Variants in MOV10 observed in about 807,000 individuals in gnomAD.
MOV10 encodes the protein RNA helicase MOV-10.
In MOV10, 39 loss-of-function variants were observed where a neutral mutation model predicts 108.4. The observed-to-expected ratio is 0.36, with a 90% confidence interval of 0.28 to 0.47. The LOEUF is 0.47. Among genes scored for constraint, MOV10 ranks in the 20% least tolerant of loss-of-function variants. The probability of loss-of-function intolerance (pLI) is 1.00; values close to 1 mark genes in which losing one functional copy is unlikely to be tolerated. For synonymous variants in MOV10, 490 were observed against 523.1 expected (o/e 0.94, Z 0.86); for missense variants, 952 against 1,297.6 (o/e 0.73, Z 4.09).
intron 2 of MOV10, among the ~76,000 whole-genome samples, chr1:112,677,556 G>A (rs149747863): frequency 2.6e-5 from 4 of 152,108 alleles, no homozygotes; most frequent in Non-Finnish European, 4.4e-5. Flanking sequence ...TTTATGGCAC[G>A]TGGTCATCTC....
chr1:112,680,698 C>T (rs1395129692), intron 2 of MOV10, among the ~76,000 whole-genome samples: 3 of 127,602 alleles, frequency 2.4e-5, no homozygotes, highest in Non-Finnish European at 5.0e-5. Context: ...ATCACCTTTT[C>T]ATTTATCTCT....
rs1260996389 is a variant in MOV10 at position 112,689,653 on chromosome 1, G to A, written c.577+3G>A. 4 of 1,613,404 alleles carry A rather than the reference G, an allele frequency of 2.5e-6. No homozygotes were observed. The highest frequency in any genetic ancestry group is 2.7e-5 in the African/African-American group (2 of 74,916). ...GTTGCCCTGTCCACTGGGCCCCGGT[G>A]AGTGAGTTTCCAAAGGAAAGAGCTG... On this transcript the variant is annotated splice_donor_region_variant and intron_variant, in intron 4 of 20. Coordinates refer to ENST00000369645, the MANE Select transcript of MOV10 (RefSeq NM_001321324.2).
chr1:112,689,695 C>A, intron 4 of MOV10, 45 bp downstream of exon 4: 1 of 1,601,436 alleles, frequency 6.2e-7, no homozygotes, highest in South Asian at 1.1e-5. Flanking sequence ...AGGGGCTTGT[C>A]CCAGGCAGTG....
At position 112,692,846 on chromosome 1, in the gene MOV10, C is replaced by G. The variant is rs1261096027; in HGVS notation, c.1057C>G (p.His353Asp). The change falls in exon 7 of 21, where the codon CAT (histidine) becomes GAT (aspartate). Residue 353 changes from histidine to aspartate, a missense_variant. Around this residue, in one of 5 missense-constraint regions of MOV10, gnomAD observed 374 missense variants for 468.6 expected, o/e 0.80. Transcript: ENST00000369645. Reference protein sequence around the residue: ...LLHLEELQMEHDIRHYDLESV... With the variant: ...LLHLEELQMEDDIRHYDLESV... Reference sequence around the variant, plus strand: ...GCACCTGGAGGAACTGCAGATGGAGCATGATATCCGGCACTATGACCTGGA... The same window carrying G: ...GCACCTGGAGGAACTGCAGATGGAGGATGATATCCGGCACTATGACCTGGA... The G allele has an allele frequency of 1.2e-6, 2 of 1,614,082 alleles. No individual in the cohort carries two copies. The highest frequency in any genetic ancestry group is 1.7e-6 in the Non-Finnish European group (2 of 1,180,022).
chr1:112,676,308 T>C (rs1308379422), intron 2 of MOV10, among the ~76,000 whole-genome samples: 2 of 152,180 alleles, frequency 1.3e-5, no homozygotes, highest in African/African-American at 4.8e-5. Flanking sequence ...CTAGGGATGG[T>C]AAGAGAAAAA....
chr1:112,699,771 G>A lies in MOV10; in HGVS notation c.2670G>A (p.Leu890=). ...TVRSSQSFVQ[L]DLDFNLGFLK... is the part of the protein sequence containing the mutation. Reference sequence around the variant, plus strand: ...GAAGCAGCCAGAGCTTTGTGCAGCTGGATCTGGACTTTAATCTGGGTTTCC... The same window carrying A: ...GAAGCAGCCAGAGCTTTGTGCAGCTAGATCTGGACTTTAATCTGGGTTTCC... The change falls in exon 18 of 21, where the codon CTG becomes CTA. Residue 890 remains leucine (L), a synonymous_variant. Coordinates refer to ENST00000369645, the MANE Select transcript of MOV10 (RefSeq NM_001321324.2). 1 of 1,614,238 alleles carries A rather than the reference G, an allele frequency of 6.2e-7. No individual in the cohort carries two copies. Among genetic ancestry groups the A allele is most frequent in the East Asian group, 2.2e-5 (1 of 44,884 alleles).
chr1:112,698,611 C>T, intron 16 of MOV10, 104 bp from the exon 17 acceptor site: 2 of 1,444,118 alleles, frequency 1.4e-6, no homozygotes, highest in Non-Finnish European at 9.7e-7. Context: ...GCACCAAGGT[C>T]AGCTGCCGCC....
intron 7 of MOV10, chr1:112,693,572 C>A (rs552775376): frequency 6.4e-6 from 1 of 156,150 alleles, no homozygotes; most frequent in Admixed American, 6.2e-5. Flanking sequence ...CCACATTGGC[C>A]AGGCTGGTCT....
intron 1 of MOV10, 41 bp from the exon 2 acceptor site, chr1:112,674,807 C>G (rs902288): frequency 2.5e-6 from 3 of 1,187,276 alleles, no homozygotes; most frequent in Non-Finnish European, 3.5e-6. Context: ...TAGGGGGCTT[C>G]CCTCCTGCTG....
chr1:112,698,809 T>TTCCTCAAGCTTC lies in MOV10; in HGVS notation c.2583+20_2583+21insTCCTCAAGCTTC. ...TTGAAGGTGACATGCTGTTCCACAG[T>TTCCTCAAGCTTC]CACTCCCTGCCTTCCGTGTGCCCCC... On this transcript the variant is annotated intron_variant, in intron 17 of 20. Coordinates refer to ENST00000369645, the MANE Select transcript of MOV10 (RefSeq NM_001321324.2). The TTCCTCAAGCTTC allele has an allele frequency of 6.2e-7, 1 of 1,606,202 alleles. No individual in the cohort carries two copies. The highest frequency in any genetic ancestry group is 8.5e-7 in the Non-Finnish European group (1 of 1,172,768).
chr1:112,688,772 C>T (rs1673293178), intron 2 of MOV10, 163 bp from the exon 3 acceptor site: 19 of 1,453,348 alleles, frequency 1.3e-5, no homozygotes, highest in Non-Finnish European at 1.4e-5. Flanking sequence ...AACATTCCTC[C>T]GATCCCCAGC....
chr1:112,694,190 C>T lies in MOV10; in HGVS notation c.1295+18C>T. Reference sequence around the variant, plus strand: ...TCCATGAGGTGGGTGTTGGGGGAACCCTGAGCTGCTGGAAGGGTCTACAGA... The same window carrying T: ...TCCATGAGGTGGGTGTTGGGGGAACTCTGAGCTGCTGGAAGGGTCTACAGA... On this transcript the variant is annotated intron_variant, in intron 8 of 20. Coordinates refer to ENST00000369645, the MANE Select transcript of MOV10 (RefSeq NM_001321324.2). The surrounding 1 kb of genome is among the most constrained non-coding windows in gnomAD (Gnocchi z 4.1). The T allele has an allele frequency of 6.2e-7, 1 of 1,614,002 alleles. No individual in the cohort carries two copies. The highest frequency in any genetic ancestry group is 8.5e-7 in the Non-Finnish European group (1 of 1,179,952).
chr1:112,680,672 A>T lies in MOV10; in HGVS notation c.137+5623A>T, dbSNP rs568195975. On this transcript the variant is annotated intron_variant, in intron 2 of 20. Transcript: ENST00000369645. The stretch of plus-strand genomic sequence containing the variant: ...CTCCGTCTCAAAAAAAAAAAAAAAA[A>T]AAAAAACTTTTGGTGATCACCTTTT... 1.7e-3 allele frequency among the ~76,000 whole-genome samples: 252 copies of T among 149,766 alleles called. 5 individuals are homozygous for T. Among genetic ancestry groups the T allele is most frequent in the African/African-American group, 5.7e-3 (232 of 40,874 alleles).
chr1:112,677,051 T>C (rs1672249533), intron 2 of MOV10, among the ~76,000 whole-genome samples: 2 of 152,170 alleles, frequency 1.3e-5, no homozygotes. Flanking sequence ...CTTGTGTTTA[T>C]GCAGATAAGA....
At chr1:112,685,653 C>CCATAAAATAAAATAAAATAAAATAA (rs1673014864) in intron 2 of MOV10, among the ~76,000 whole-genome samples, 3 of 139,208 alleles carry the variant, frequency 2.2e-5, no homozygotes, top group African/African-American at 5.5e-5. Context: ...GATTCCGTCT[C>CCATAAAATAAAATAAAATAAAATAA]AATAAAATAA....
Position 112,689,469 on chromosome 1 carries a change from T to C in MOV10, c.396T>C (p.His132=). ...TGGATGTGGAAGTCCAGGGGCCCCATGAAGCCCGAGATGGGCAGCTCCTTA... is the reference window on the plus strand; with the variant it reads ...TGGATGTGGAAGTCCAGGGGCCCCACGAAGCCCGAGATGGGCAGCTCCTTA... The part of the protein sequence containing the change: ...HGVDVEVQGP[H]EARDGQLLIR... The change falls in exon 4 of 21, where the codon CAT becomes CAC. Residue 132 remains histidine (H), a synonymous_variant. Transcript: ENST00000369645. The C allele has an allele frequency of 6.6e-7, 1 of 1,520,374 alleles. No individual in the cohort carries two copies. The highest frequency in any genetic ancestry group is 8.9e-7 in the Non-Finnish European group (1 of 1,120,966). 94.2% of individuals were successfully genotyped at this position (1,520,374 alleles called of 1,614,324 possible). A position where few individuals can be genotyped will look rare whatever the true frequency, so the allele number is the denominator to read the frequency against.
rs987788314 is a variant in MOV10 at position 112,675,087 on chromosome 1, C to G, written c.137+38C>G. On this transcript the variant is annotated intron_variant, in intron 2 of 20. Coordinates refer to ENST00000369645, the MANE Select transcript of MOV10 (RefSeq NM_001321324.2). The surrounding 1 kb of genome is among the most constrained non-coding windows in gnomAD (Gnocchi z 4.7). ...CCACTCCCGGCCCCGAATCGCGGGC[C>G]CAGCTTGCTGCCACGACCCCCGCGC... 3 of 1,570,352 alleles carry G rather than the reference C, an allele frequency of 1.9e-6. No homozygotes were observed. The highest frequency in any genetic ancestry group is 2.5e-5 in the East Asian group (1 of 39,608).
chr1:112,686,628 C>G (rs1015965197), intron 2 of MOV10, among the ~76,000 whole-genome samples: 4 of 152,176 alleles, frequency 2.6e-5, no homozygotes, highest in Non-Finnish European at 5.9e-5. Context: ...ACTCGTGGAG[C>G]TGGTTGCCTC....
intron 3 of MOV10, 28 bp from the exon 4 acceptor site, chr1:112,689,387 A>G (rs1557759709): frequency 1.0e-6 from 1 of 980,452 alleles, no homozygotes; most frequent in East Asian, 2.8e-5. Flanking sequence ...TCCCACCCCA[A>G]CCCCCCCTTG....
Sources: gnomAD v4.1 joint callset for allele counts (sites outside exome capture counted in the v4.1 genomes callset) on GRCh38, gnomAD v4.1.1 for gene constraint, gnomAD v4.1.1 regional missense constraint, Gnocchi (gnomAD v3.1) non-coding constraint, MANE v1.5 for transcripts, NCBI Gene and HGNC (gene_info 2026-07-23, HGNC 2026-07-21) for gene names.